SLC14A2: variants seen among roughly 807,000 people sequenced by gnomAD.
The protein encoded by SLC14A2 is solute carrier family 14 member 2.
A neutral mutation model predicts 104.6 loss-of-function variants in SLC14A2; 91 were observed. The ratio of observed to expected loss-of-function variants is 0.87; its 90% CI spans 0.73 to 1.04. The LOEUF is 1.04. SLC14A2 is among the 50% of genes least tolerant of loss of function. SLC14A2 has a pLI of 0.00. For missense variants in SLC14A2, 1,189 were observed against 1,156.0 expected, an observed-to-expected ratio of 1.03 and a Z score of -0.41; for synonymous variants, 476 against 466.4, an observed-to-expected ratio of 1.02 and a Z score of -0.27.
chr18:45,319,668 T>C (rs2085165422), intron 1 of SLC14A2, among the ~76,000 whole-genome samples: 2 of 152,226 alleles, frequency 1.3e-5, no homozygotes, highest in Non-Finnish European at 2.9e-5. Context: ...TTTGCCTGGG[T>C]TAGATGTTTT....
At chr18:45,386,969 G>A (rs1259450844) in intron 1 of SLC14A2, among the ~76,000 whole-genome samples, 2 of 152,198 alleles carry the variant, frequency 1.3e-5, no homozygotes, top group African/African-American at 4.8e-5. Context: ...TACTCACTAT[G>A]ACACTCTGTG....
chr18:45,466,218 C>A (rs999359404), intron 1 of SLC14A2, among the ~76,000 whole-genome samples: 1 of 151,910 alleles, frequency 6.6e-6, no homozygotes, highest in Admixed American at 6.6e-5. Flanking sequence ...ACCTGGACAT[C>A]CACTTTGTGT....
At chr18:45,552,952 A>G (rs1327276419) in intron 2 of SLC14A2, among the ~76,000 whole-genome samples, 1 of 152,188 alleles carries the variant, frequency 6.6e-6, no homozygotes, top group Non-Finnish European at 1.5e-5. Flanking sequence ...CTAATATTTT[A>G]AAAGGATCAT....
chr18:45,217,737 C>T (rs967700128), intron 1 of SLC14A2, among the ~76,000 whole-genome samples: 5 of 152,110 alleles, frequency 3.3e-5, no homozygotes, highest in African/African-American at 1.2e-4. Context: ...TATTTTCTGG[C>T]CCTGTGCTTA....
At chr18:45,515,217 C>T (rs1184224840) in intron 2 of SLC14A2, among the ~76,000 whole-genome samples, 1 of 152,202 alleles carries the variant, frequency 6.6e-6, no homozygotes, top group African/African-American at 2.4e-5. Context: ...GTTTGTAATA[C>T]AACTATGAAA....
chr18:45,419,303 C>T (rs969000036), intron 1 of SLC14A2, among the ~76,000 whole-genome samples: 4 of 152,188 alleles, frequency 2.6e-5, no homozygotes, highest in African/African-American at 9.6e-5. Flanking sequence ...TCACAGGCCC[C>T]TTTTATTCTG....
intron 1 of SLC14A2, among the ~76,000 whole-genome samples, chr18:45,441,114 A>G (rs1273671630): frequency 6.6e-6 from 1 of 152,142 alleles, no homozygotes; most frequent in Non-Finnish European, 1.5e-5. Context: ...TCGGACAGCC[A>G]TGCCCTCTCT....
At chr18:45,473,769 A>G (rs2087298470) in intron 1 of SLC14A2, among the ~76,000 whole-genome samples, 1 of 152,184 alleles carries the variant, frequency 6.6e-6, no homozygotes, top group Admixed American at 6.6e-5. Context: ...CAGCTTAAGG[A>G]GATTTTGGGC....
intron 1 of SLC14A2, among the ~76,000 whole-genome samples, chr18:45,273,610 GAGA>G (rs1404366381): frequency 6.6e-6 from 1 of 152,098 alleles, no homozygotes; most frequent in Non-Finnish European, 1.5e-5. Context: ...TGGCCAAGAG[GAGA>G]AGGAGGAAGC....
intron 1 of SLC14A2, among the ~76,000 whole-genome samples, chr18:45,268,789 G>T (rs1206243984): frequency 6.6e-6 from 1 of 152,136 alleles, no homozygotes; most frequent in Non-Finnish European, 1.5e-5. Context: ...AGCCTTATAT[G>T]ACAGATAAGG....
At chr18:45,529,317 GTTGT>G (rs200700906) in intron 2 of SLC14A2, 25 of 152,128 alleles carry the variant, frequency 1.6e-4, no homozygotes, top group African/African-American at 5.8e-4. Context: ...TTTCCAATTG[GTTGT>G]CTGGCCATAT....
At chr18:45,479,849 G>T (rs566480179) in intron 1 of SLC14A2, among the ~76,000 whole-genome samples, 1 of 152,168 alleles carries the variant, frequency 6.6e-6, no homozygotes, top group Non-Finnish European at 1.5e-5. Context: ...GCCCCCAAAG[G>T]TCTGGACTCT....
At chr18:45,258,459 G>A (rs1337020555) in intron 1 of SLC14A2, among the ~76,000 whole-genome samples, 1 of 142,850 alleles carries the variant, frequency 7.0e-6, no homozygotes, top group East Asian at 2.0e-4. Context: ...TAGAACCATT[G>A]CAATATGCTA....
In SLC14A2 at chr18:45,468,375, T is replaced by G. The variant is rs567651464; in HGVS notation, c.-124-14858T>G. 3.3e-5 allele frequency among the ~76,000 whole-genome samples: 5 copies of G among 152,046 alleles called. No individual in the cohort carries two copies. The South Asian group carries it at 1.0e-3, about 32-fold the overall frequency. On this transcript the variant is annotated intron_variant, in intron 1 of 20. Coordinates refer to the SLC14A2 transcript ENST00000586448. ...AAACATTTTAGCAAAAATCAATGCT[T>G]TCAAAATGCATTTAATCATCTAGAG...
intron 10 of SLC14A2, among the ~76,000 whole-genome samples, chr18:45,661,649 A>T (rs1424481904): frequency 6.6e-6 from 1 of 152,246 alleles, no homozygotes; most frequent in Non-Finnish European, 1.5e-5. Context: ...AACTAGGATT[A>T]CCAAGGGGAT....
At chr18:45,188,690 G>A in the SLC14A2 span, among the ~76,000 whole-genome samples, 10 of 152,162 alleles carry the variant, frequency 6.6e-5, no homozygotes, top group Admixed American at 6.5e-4. Flanking sequence ...TGCAGTGAGG[G>A]TTTGCCTTGT....
intron 1 of SLC14A2, among the ~76,000 whole-genome samples, chr18:45,617,556 C>CTTA (rs1481377274): frequency 6.6e-6 from 1 of 152,148 alleles, no homozygotes; most frequent in African/African-American, 2.4e-5. Context: ...CAGCCAGGCT[C>CTTA]TTATACAACC....
chr18:45,188,736 T>C, the SLC14A2 span, among the ~76,000 whole-genome samples: 1 of 152,192 alleles, frequency 6.6e-6, no homozygotes, highest in East Asian at 1.9e-4. Flanking sequence ...CCTTGCCCAA[T>C]CAATTCTGCC....
At chr18:45,449,503 C>G (rs1487656243) in intron 1 of SLC14A2, among the ~76,000 whole-genome samples, 1 of 152,156 alleles carries the variant, frequency 6.6e-6, no homozygotes, top group East Asian at 1.9e-4. Context: ...ATGGAGTCTC[C>G]TTTTCCTACA....
Sources: allele counts gnomAD v4.1 joint callset (sites outside exome capture counted in the v4.1 genomes callset), GRCh38; gene constraint gnomAD v4.1.1; transcripts MANE v1.5; gene names NCBI Gene and HGNC (gene_info 2026-07-23, HGNC 2026-07-21).